DYRK1A: variants seen among roughly 807,000 people sequenced by gnomAD.
The protein encoded by DYRK1A is dual specificity tyrosine-phosphorylation-regulated kinase 1A.
In DYRK1A, 9 loss-of-function variants were observed where a neutral mutation model predicts 79.7. That is an observed-to-expected ratio of 0.11 (90% CI 0.07 to 0.20). DYRK1A has a LOEUF of 0.20. Among genes scored for constraint, DYRK1A ranks in the 10% least tolerant of loss-of-function variants. The pLI is 1.00. For synonymous variants in DYRK1A, 349 were observed against 329.7 expected, an observed-to-expected ratio of 1.06 and a Z score of -0.63; for missense variants, 622 against 956.0, an observed-to-expected ratio of 0.65 and a Z score of 4.61.
At chr21:37,410,398 A>G (rs1304628733) in intron 1 of DYRK1A, among the ~76,000 whole-genome samples, 1 of 152,230 alleles carries the variant, frequency 6.6e-6, no homozygotes, top group Non-Finnish European at 1.5e-5. Context: ...ATTGGAAGCT[A>G]TTGAAATAGT....
chr21:37,389,020 A>C (rs1230607285), intron 1 of DYRK1A, among the ~76,000 whole-genome samples: 1 of 150,624 alleles, frequency 6.6e-6, no homozygotes, highest in Non-Finnish European at 1.5e-5. Flanking sequence ...TGCAGTGGCC[A>C]AAAAAAAGCT....
intron 2 of DYRK1A, among the ~76,000 whole-genome samples, chr21:37,458,832 G>C (rs73903985): frequency 0.011 from 1,611 of 152,280 alleles, 23 homozygotes; most frequent in African/African-American, 0.037. Flanking sequence ...GCAGCTGGAG[G>C]CTTGTGGTTA....
rs145757056 is a variant in DYRK1A at position 37,469,521 on chromosome 21, G to A, written c.11-3163G>A. 5.3e-3 allele frequency among the ~76,000 whole-genome samples: 809 copies of A among 152,290 alleles called. 5 individuals are homozygous for A. The highest frequency in any genetic ancestry group is 8.2e-3 in the Non-Finnish European group (559 of 68,018). On this transcript the variant is annotated intron_variant, in intron 2 of 11. Transcript: ENST00000647188. The stretch of plus-strand genomic sequence containing the variant: ...GAGACTGGGCAATTTATAAAGAAAG[G>A]AGGTTTAGTTGGCTCATGGTTCTTT...
intron 8 of DYRK1A, among the ~76,000 whole-genome samples, chr21:37,495,031 T>C (rs747355058): frequency 5.3e-5 from 8 of 152,088 alleles, no homozygotes; most frequent in Non-Finnish European, 1.2e-4. Context: ...GCAGGAATTT[T>C]TATGTTTTGT....
intron 8 of DYRK1A, among the ~76,000 whole-genome samples, chr21:37,493,781 T>C (rs2053172081): frequency 6.6e-6 from 1 of 152,128 alleles, no homozygotes; most frequent in Admixed American, 6.6e-5. Context: ...TGTTTGTTTT[T>C]TAAAAGAAAA....
intron 2 of DYRK1A, among the ~76,000 whole-genome samples, chr21:37,461,855 T>C (rs1355705459): frequency 6.8e-6 from 1 of 146,632 alleles, no homozygotes; most frequent in Admixed American, 6.6e-5. Flanking sequence ...TTGTGTGACT[T>C]TTTCCTTTTT....
At chr21:37,460,451 C>T (rs2051803320) in intron 2 of DYRK1A, among the ~76,000 whole-genome samples, 1 of 152,168 alleles carries the variant, frequency 6.6e-6, no homozygotes, top group Non-Finnish European at 1.5e-5. Context: ...ACTTTGGCCT[C>T]TAATCCACTG....
At chr21:37,478,342 G>A in intron 4 of DYRK1A, 42 bp downstream of exon 4, 1 of 1,564,380 alleles carries the variant, frequency 6.4e-7, no homozygotes, top group Non-Finnish European at 8.7e-7. Context: ...CTTGCAGTAT[G>A]TCATTGAGAA....
rs1432255670 is a variant in DYRK1A at position 37,519,104 on chromosome 21, C to T, written c.*6573C>T. On this transcript the variant is annotated 3_prime_UTR_variant, in exon 12 of 12. Transcript: ENST00000647188. ...GTTGTCTTCCCTTGTGGAGATGGGT[C>T]AGTGTAACATCCTATTCATTAATAG... 6.6e-6 allele frequency: 1 copy of T among 152,152 alleles called. No homozygotes were observed. Among genetic ancestry groups the T allele is most frequent in the Admixed American group, 6.5e-5 (1 of 15,274 alleles). The allele number at this position is 152,152 out of a possible 1,614,324, so 9.4% of individuals were successfully genotyped here.
intron 1 of DYRK1A, among the ~76,000 whole-genome samples, chr21:37,402,495 G>GAT (rs1171051000): frequency 6.6e-6 from 1 of 152,044 alleles, no homozygotes; most frequent in Admixed American, 6.5e-5. Flanking sequence ...TTATTCCCTC[G>GAT]ATATACCAGT....
At chr21:37,508,593 CCTTA>C (rs1275657018) in intron 11 of DYRK1A, among the ~76,000 whole-genome samples, 2 of 152,094 alleles carry the variant, frequency 1.3e-5, no homozygotes, top group Non-Finnish European at 2.9e-5. Flanking sequence ...GGCCTGTTTT[CCTTA>C]CTTTAAACCA....
chr21:37,466,889 A>G (rs1486333780), intron 2 of DYRK1A, among the ~76,000 whole-genome samples: 1 of 152,140 alleles, frequency 6.6e-6, no homozygotes, highest in African/African-American at 2.4e-5. Flanking sequence ...AGACCTCATT[A>G]ACCAATGTTG....
intron 2 of DYRK1A, among the ~76,000 whole-genome samples, chr21:37,440,845 T>C (rs2051080595): frequency 6.6e-6 from 1 of 152,198 alleles, no homozygotes; most frequent in Admixed American, 6.5e-5. Flanking sequence ...TTAAAGTTGC[T>C]TTGTCCCTAG....
intron 2 of DYRK1A, among the ~76,000 whole-genome samples, chr21:37,468,188 T>C (rs2052098156): frequency 6.6e-6 from 1 of 152,124 alleles, no homozygotes. Context: ...CATAACTCAC[T>C]GCAGCCTTGA....
intron 5 of DYRK1A, among the ~76,000 whole-genome samples, chr21:37,485,508 A>G (rs1285883738): frequency 6.6e-6 from 1 of 152,192 alleles, no homozygotes; most frequent in African/African-American, 2.4e-5. Flanking sequence ...CATACGTTTC[A>G]TCCTCTTCCT....
intron 2 of DYRK1A, among the ~76,000 whole-genome samples, chr21:37,427,278 ACTT>A (rs1372843536): frequency 6.6e-6 from 1 of 152,128 alleles, no homozygotes; most frequent in Admixed American, 6.5e-5. Context: ...CACCTGGCTA[ACTT>A]CTTTATTTTT....
At chr21:37,389,515 G>T (rs1352326856) in intron 1 of DYRK1A, among the ~76,000 whole-genome samples, 1 of 152,094 alleles carries the variant, frequency 6.6e-6, no homozygotes, top group Non-Finnish European at 1.5e-5. Context: ...ATATATGGAG[G>T]ACTGGTTTTT....
intron 2 of DYRK1A, among the ~76,000 whole-genome samples, chr21:37,468,095 G>C (rs1396279230): frequency 1.3e-5 from 2 of 152,100 alleles, no homozygotes; most frequent in African/African-American, 4.8e-5. Flanking sequence ...AACTTACATG[G>C]AATAGCCAAA....
At chr21:37,464,333 A>G (rs1433717594) in intron 2 of DYRK1A, 1 of 469,282 alleles carries the variant, frequency 2.1e-6, no homozygotes, top group African/African-American at 2.0e-5. Flanking sequence ...AGAACATAGT[A>G]ACGTGGCTGA....
Sources: allele counts gnomAD v4.1 joint callset (sites outside exome capture counted in the v4.1 genomes callset), GRCh38; gene constraint gnomAD v4.1.1; transcripts MANE v1.5; gene names NCBI Gene and HGNC (gene_info 2026-07-23, HGNC 2026-07-21).